The following TGFA variants were observed in gnomAD, a reference collection of about 807,000 sequenced individuals.
TGFA encodes the protein protransforming growth factor alpha.
A neutral mutation model predicts 21.7 loss-of-function variants in TGFA; 12 were observed. The observed-to-expected ratio is 0.55, with a 90% CI of 0.35 to 0.90. The LOEUF is 0.90. Ranked by LOEUF, TGFA falls within the 40% of genes least tolerant of loss-of-function variation. TGFA has a pLI of 0.01. For synonymous variants in TGFA, 79 were observed against 88.1 expected (o/e 0.90, Z 0.58); for missense variants, 178 against 210.8 (o/e 0.84, Z 0.96).
At chr2:70,513,777 C>G in intron 2 of TGFA, among the ~76,000 whole-genome samples, 1 of 152,134 alleles carries the variant, frequency 6.6e-6, no homozygotes, top group East Asian at 1.9e-4. Context: ...CCGCCCCCTC[C>G]CACTGGAACC....
At chr2:70,517,008 G>A (rs1449527993) in intron 1 of TGFA, among the ~76,000 whole-genome samples, 1 of 152,192 alleles carries the variant, frequency 6.6e-6, no homozygotes, top group Non-Finnish European at 1.5e-5. Context: ...AGCAAACACT[G>A]TACAGCTGAA....
intron 2 of TGFA, among the ~76,000 whole-genome samples, chr2:70,499,381 T>G (rs559175669): frequency 1.4e-4 from 22 of 152,304 alleles, no homozygotes; most frequent in African/African-American, 5.3e-4. Context: ...GAACTATCAG[T>G]TTTCCTGGGG....
At chr2:70,539,288 C>T (rs533954822) in intron 1 of TGFA, among the ~76,000 whole-genome samples, 1 of 151,944 alleles carries the variant, frequency 6.6e-6, no homozygotes, top group Non-Finnish European at 1.5e-5. Flanking sequence ...CTGAGGTATG[C>T]CTATACTTCT....
At chr2:70,456,257 C>T (rs1255725616) in intron 4 of TGFA, 82 bp downstream of exon 4, 1 of 1,465,128 alleles carries the variant, frequency 6.8e-7, no homozygotes, top group Middle Eastern at 2.0e-4. Context: ...GCTGAGGTGG[C>T]CCTGTTATCT....
chr2:70,470,800 A>G (rs1429049221), intron 2 of TGFA, among the ~76,000 whole-genome samples: 1 of 152,176 alleles, frequency 6.6e-6, no homozygotes, highest in Non-Finnish European at 1.5e-5. Flanking sequence ...AAGGGCAGAG[A>G]GGATGAAGGG....
intron 1 of TGFA, among the ~76,000 whole-genome samples, chr2:70,549,215 C>T (rs946641958): frequency 7.9e-5 from 12 of 152,156 alleles, no homozygotes; most frequent in Non-Finnish European, 1.5e-4. Context: ...AAAATGAAGA[C>T]GTCTCAGCAA....
chr2:70,486,484 G>A (rs1671274459), intron 2 of TGFA, among the ~76,000 whole-genome samples: 1 of 150,918 alleles, frequency 6.6e-6, no homozygotes, highest in South Asian at 2.1e-4. Flanking sequence ...GTTGTTGTTT[G>A]TCTTTTTTTT....
intron 1 of TGFA, among the ~76,000 whole-genome samples, chr2:70,523,133 G>T (rs782783190): frequency 3.9e-5 from 6 of 152,136 alleles, no homozygotes; most frequent in Admixed American, 2.0e-4. Flanking sequence ...CCTGTCAAGT[G>T]GATCCTGCAT....
chr2:70,509,019 G>C (rs1553500605), intron 2 of TGFA, among the ~76,000 whole-genome samples: 1 of 152,236 alleles, frequency 6.6e-6, no homozygotes, highest in African/African-American at 2.4e-5. Flanking sequence ...AAATCTTGGA[G>C]AGGAAAGGAA....
At chr2:70,524,703 GGAA>G (rs1289578123) in intron 1 of TGFA, among the ~76,000 whole-genome samples, 1 of 152,242 alleles carries the variant, frequency 6.6e-6, no homozygotes, top group African/African-American at 2.4e-5. Flanking sequence ...CCAGGAGGGA[GGAA>G]GAAGGGGATG....
chr2:70,471,682 A>T (rs781897169), intron 2 of TGFA, among the ~76,000 whole-genome samples: 3 of 151,404 alleles, frequency 2.0e-5, no homozygotes, highest in Non-Finnish European at 4.4e-5. Context: ...GATGTCACTT[A>T]TTGAGTGCTT....
intron 2 of TGFA, among the ~76,000 whole-genome samples, chr2:70,471,026 G>A (rs908843822): frequency 6.6e-6 from 1 of 151,972 alleles, no homozygotes; most frequent in African/African-American, 2.4e-5. Flanking sequence ...ACTATGTAGA[G>A]AGAACCATGT....
At chr2:70,544,080 A>G (rs988417441) in intron 1 of TGFA, among the ~76,000 whole-genome samples, 19 of 152,280 alleles carry the variant, frequency 1.2e-4, no homozygotes, top group African/African-American at 4.6e-4. Flanking sequence ...AAAAAATGCC[A>G]ACTCTTTTAG....
At chr2:70,501,627 C>A (rs909332106) in intron 2 of TGFA, among the ~76,000 whole-genome samples, 14 of 152,156 alleles carry the variant, frequency 9.2e-5, no homozygotes, top group East Asian at 1.9e-4. Context: ...GTATGATTTT[C>A]TTCCACGTTG....
In TGFA at chr2:70,513,446, A is replaced by G. The variant is rs1045548692; in HGVS notation, c.94+1413T>C. Among the ~76,000 whole-genome samples, 8 of 152,214 alleles carry G rather than the reference A, an allele frequency of 5.3e-5. No individual in the cohort carries two copies. In the East Asian group the frequency reaches 1.5e-3, roughly 29 times the overall value. On this transcript the variant is annotated intron_variant, in intron 2 of 5. Transcript: ENST00000295400. ...AGTACTGCTTTATGGAAACCCTAGT[A>G]GACCCTGGACTCCAGATGCACTGTT...
chr2:70,553,333 C>T (rs782500961), intron 1 of TGFA: 2 of 1,496,256 alleles, frequency 1.3e-6, no homozygotes, highest in African/African-American at 1.4e-5. Flanking sequence ...GGCCCCCGTT[C>T]CGAGGCGGCC....
Position 70,450,725 on chromosome 2 carries a change from G to T in TGFA, c.*134C>A. 1 of 968,306 alleles carries T rather than the reference G, an allele frequency of 1.0e-6. No homozygotes were observed. Among genetic ancestry groups the T allele is most frequent in the Non-Finnish European group, 1.6e-6 (1 of 627,176 alleles). The allele number at this position is 968,306 out of a possible 1,614,324, so 60.0% of individuals were successfully genotyped here. Reference sequence around the variant, plus strand: ...GACAGAGTTTTGAAGGCCCACAAAAGGCTGCACAGGTGATTACAGGCCAAG... The same window carrying T: ...GACAGAGTTTTGAAGGCCCACAAAATGCTGCACAGGTGATTACAGGCCAAG... On this transcript the variant is annotated 3_prime_UTR_variant, in exon 6 of 6. Transcript: ENST00000295400.
At chr2:70,523,989 A>C (rs1672555282) in intron 1 of TGFA, among the ~76,000 whole-genome samples, 1 of 152,170 alleles carries the variant, frequency 6.6e-6, no homozygotes, top group Non-Finnish European at 1.5e-5. Flanking sequence ...TAAACAACTA[A>C]ATAAAAAAGG....
intron 2 of TGFA, among the ~76,000 whole-genome samples, chr2:70,492,677 T>G (rs1336493776): frequency 1.3e-5 from 2 of 152,220 alleles, no homozygotes; most frequent in Non-Finnish European, 2.9e-5. Flanking sequence ...TTTTAATTAT[T>G]GAACTGAATT....
Sources: gnomAD v4.1 joint callset for allele counts (sites outside exome capture counted in the v4.1 genomes callset) on GRCh38, gnomAD v4.1.1 for gene constraint, MANE v1.5 for transcripts, NCBI Gene and HGNC (gene_info 2026-07-23, HGNC 2026-07-21) for gene names.